Variants in RAB38 observed in about 807,000 individuals in gnomAD.
The protein encoded by RAB38 is ras-related protein Rab-38.
Under a neutral mutation model 18.4 loss-of-function variants are expected in RAB38, and 15 were observed. The ratio of observed to expected loss-of-function variants is 0.82; its 90% CI spans 0.55 to 1.26. The LOEUF is 1.26. Among genes scored for constraint, RAB38 ranks in the 50% most tolerant of loss-of-function variants. The pLI is 0.00. For synonymous variants in RAB38, 101 were observed against 104.4 expected (o/e 0.97, Z 0.20); for missense variants, 294 against 267.4 (o/e 1.10, Z -0.69).
chr11:87,918,953 A>T, the RAB38 span, among the ~76,000 whole-genome samples: 1 of 151,824 alleles, frequency 6.6e-6, no homozygotes, highest in Admixed American at 6.6e-5. Flanking sequence ...ATCATTGCCC[A>T]AAAACATGAC....
At chr11:87,938,277 T>G in the RAB38 span, among the ~76,000 whole-genome samples, 1 of 152,110 alleles carries the variant, frequency 6.6e-6, no homozygotes, top group Non-Finnish European at 1.5e-5. Flanking sequence ...GGTTAAAATC[T>G]TGACTTTCTA....
At chr11:88,069,549 G>A in the RAB38 span, among the ~76,000 whole-genome samples, 18 of 152,334 alleles carry the variant, frequency 1.2e-4, no homozygotes, top group African/African-American at 3.4e-4. Context: ...ATGTCTAGCC[G>A]GAGGATCGTA....
the RAB38 span, among the ~76,000 whole-genome samples, chr11:87,934,268 C>G: frequency 1.3e-5 from 2 of 152,094 alleles, no homozygotes; most frequent in East Asian, 3.9e-4. Context: ...CTATTTATTA[C>G]CTACAGAAGC....
chr11:88,013,919 G>T, the RAB38 span, among the ~76,000 whole-genome samples: 1 of 152,086 alleles, frequency 6.6e-6, no homozygotes, highest in African/African-American at 2.4e-5. Flanking sequence ...CATAGTTCCT[G>T]CTCAATAAAT....
chr11:88,041,983 C>T, the RAB38 span, among the ~76,000 whole-genome samples: 1 of 151,892 alleles, frequency 6.6e-6, no homozygotes, highest in Non-Finnish European at 1.5e-5. Context: ...AGAACTAGAC[C>T]CCAAAAATTA....
At chr11:87,910,930 G>A in the RAB38 span, among the ~76,000 whole-genome samples, 24 of 151,960 alleles carry the variant, frequency 1.6e-4, no homozygotes, top group Non-Finnish European at 2.1e-4. Flanking sequence ...GCCACAGTGC[G>A]CAGCCTCAAA....
the RAB38 span, among the ~76,000 whole-genome samples, chr11:87,942,917 G>A: frequency 6.6e-6 from 1 of 152,186 alleles, no homozygotes; most frequent in Admixed American, 6.6e-5. Context: ...AGAGGACCAT[G>A]ACTTGCTGAG....
chr11:87,934,658 C>T, the RAB38 span, among the ~76,000 whole-genome samples: 7 of 152,060 alleles, frequency 4.6e-5, no homozygotes, highest in Non-Finnish European at 8.8e-5. Flanking sequence ...TCTTCCAAGC[C>T]TACCACTTGT....
chr11:87,920,035 C>T, the RAB38 span, among the ~76,000 whole-genome samples: 1 of 151,822 alleles, frequency 6.6e-6, no homozygotes, highest in African/African-American at 2.4e-5. Context: ...TTATTTGAGA[C>T]TTCTCCCATA....
the RAB38 span, among the ~76,000 whole-genome samples, chr11:87,910,670 CTCTT>C: frequency 7.8e-6 from 1 of 127,562 alleles, no homozygotes; most frequent in East Asian, 2.1e-4. Context: ...GAGATGGAGT[CTCTT>C]TCTGTCGCCA....
At chr11:88,126,680 C>A (rs1176019593) in intron 2 of RAB38, among the ~76,000 whole-genome samples, 1 of 135,866 alleles carries the variant, frequency 7.4e-6, no homozygotes, top group Non-Finnish European at 1.6e-5. Context: ...TGCACATGTA[C>A]CCTAAAACTT....
At chr11:87,976,409 TTA>T in the RAB38 span, among the ~76,000 whole-genome samples, 5 of 134,764 alleles carry the variant, frequency 3.7e-5, 1 homozygote, top group East Asian at 2.1e-4. Flanking sequence ...ATTTATATAT[TTA>T]TATATATTTA....
At chr11:87,977,464 TATATATTAC>T in the RAB38 span, among the ~76,000 whole-genome samples, 2 of 48,966 alleles carry the variant, frequency 4.1e-5, no homozygotes, top group Non-Finnish European at 7.5e-5. Flanking sequence ...ATAATATAAT[TATATATTAC>T]ATATATAATT....
chr11:88,034,686 C>T, the RAB38 span, among the ~76,000 whole-genome samples: 37 of 152,276 alleles, frequency 2.4e-4, no homozygotes, highest in African/African-American at 8.4e-4. Flanking sequence ...TGTTCGTTTC[C>T]TAATTGGATT....
chr11:88,019,977 A>G, the RAB38 span, among the ~76,000 whole-genome samples: 3 of 152,174 alleles, frequency 2.0e-5, no homozygotes, highest in Non-Finnish European at 4.4e-5. Flanking sequence ...AGACATACAC[A>G]TAGACCAGTG....
At chr11:87,856,219 G>A in the RAB38 span, among the ~76,000 whole-genome samples, 4 of 152,140 alleles carry the variant, frequency 2.6e-5, no homozygotes, top group African/African-American at 4.8e-5. Flanking sequence ...TCTGACCAAT[G>A]TAATTGAGTG....
At chr11:88,141,683 C>T (rs761839843) in intron 2 of RAB38, among the ~76,000 whole-genome samples, 2 of 152,082 alleles carry the variant, frequency 1.3e-5, no homozygotes, top group South Asian at 2.1e-4. Flanking sequence ...TTTGACATAC[C>T]GCAAAGCTTT....
the RAB38 span, among the ~76,000 whole-genome samples, chr11:87,880,475 C>G: frequency 1.1e-4 from 16 of 151,744 alleles, no homozygotes; most frequent in African/African-American, 3.9e-4. Context: ...ACTCAAAGGA[C>G]AGTAATATGA....
intron 1 of RAB38, among the ~76,000 whole-genome samples, chr11:88,170,939 G>A (rs187452480): frequency 3.9e-5 from 6 of 152,230 alleles, no homozygotes; most frequent in South Asian, 2.1e-4. Flanking sequence ...TAAACAGACC[G>A]ACTGTTCCTA....
Sources: gnomAD v4.1 joint callset for allele counts (sites outside exome capture counted in the v4.1 genomes callset) on GRCh38, gnomAD v4.1.1 for gene constraint, MANE v1.5 for transcripts, NCBI Gene and HGNC (gene_info 2026-07-23, HGNC 2026-07-21) for gene names.